Variants in FAM110B observed in about 807,000 individuals in gnomAD.
FAM110B encodes the protein family with sequence similarity 110 member B, also known as protein FAM110B.
In FAM110B, 6 loss-of-function variants were observed where a neutral mutation model predicts 20.4. The ratio of observed to expected loss-of-function variants is 0.29; its 90% CI spans 0.16 to 0.58. The LOEUF is 0.58. FAM110B is among the 20% of genes least tolerant of loss of function. The pLI, the probability that FAM110B is intolerant of heterozygous loss-of-function variation, is 0.90. For missense variants in FAM110B, 434 were observed against 498.2 expected (o/e 0.87, Z 1.23); for synonymous variants, 226 against 214.1 (o/e 1.06, Z -0.49).
At position 58,109,331 on chromosome 8, in the gene FAM110B, A is replaced by T. The variant is rs937727562; in HGVS notation, c.-325+33708A>T. On this transcript the variant is annotated intron_variant, in intron 3 of 3. Transcript: ENST00000519262. ...TCAAGAAAGATGAAAAACCAATTTT[A>T]CAAATTTAACATAATATTTACAGGA... Among the ~76,000 whole-genome samples, 10 of 152,140 alleles carry T rather than the reference A, an allele frequency of 6.6e-5. No individual in the cohort carries two copies. The South Asian group carries it at 1.2e-3, about 19-fold the overall frequency.
chr8:58,090,634 A>G (rs1419675535), intron 3 of FAM110B, among the ~76,000 whole-genome samples: 2 of 152,204 alleles, frequency 1.3e-5, no homozygotes, highest in Non-Finnish European at 2.9e-5. Context: ...TTTCAACTGC[A>G]TGGGGTGGAG....
chr8:58,095,429 G>T (rs1806597945), intron 3 of FAM110B, among the ~76,000 whole-genome samples: 1 of 152,092 alleles, frequency 6.6e-6, no homozygotes, highest in Non-Finnish European at 1.5e-5. Flanking sequence ...AGATATTCTG[G>T]CACATTGTGT....
chr8:58,129,885 A>C (rs1803410542), intron 3 of FAM110B, among the ~76,000 whole-genome samples: 1 of 152,256 alleles, frequency 6.6e-6, no homozygotes, highest in Non-Finnish European at 1.5e-5. Flanking sequence ...CTACTTATCA[A>C]AAACATTCTT....
At chr8:58,071,322 A>G (rs182672951) in intron 2 of FAM110B, among the ~76,000 whole-genome samples, 1 of 152,250 alleles carries the variant, frequency 6.6e-6, no homozygotes, top group Non-Finnish European at 1.5e-5. Flanking sequence ...TTATTCATCA[A>G]ACTTAAAAAT....
intron 3 of FAM110B, among the ~76,000 whole-genome samples, chr8:58,120,115 T>A (rs1372284855): frequency 6.6e-6 from 1 of 152,206 alleles, no homozygotes; most frequent in Admixed American, 6.5e-5. Flanking sequence ...TGAGGAAATA[T>A]GAACCACATG....
intron 2 of FAM110B, among the ~76,000 whole-genome samples, chr8:58,052,152 G>A (rs1435346054): frequency 1.3e-5 from 2 of 152,186 alleles, no homozygotes; most frequent in African/African-American, 2.4e-5. Context: ...CAGGGAACAC[G>A]TAAAATGCTG....
At chr8:58,026,794 T>C (rs1804863787) in intron 1 of FAM110B, among the ~76,000 whole-genome samples, 1 of 152,206 alleles carries the variant, frequency 6.6e-6, no homozygotes, top group Non-Finnish European at 1.5e-5. Flanking sequence ...ATATTATCAA[T>C]CTTCTACATA....
intron 3 of FAM110B, among the ~76,000 whole-genome samples, chr8:58,131,848 T>C (rs535750177): frequency 1.3e-5 from 2 of 152,288 alleles, no homozygotes; most frequent in Non-Finnish European, 2.9e-5. Flanking sequence ...CTATATAAAC[T>C]TGATTAAACA....
At chr8:58,130,519 A>G (rs1353557232) in intron 3 of FAM110B, among the ~76,000 whole-genome samples, 4 of 152,174 alleles carry the variant, frequency 2.6e-5, no homozygotes, top group Admixed American at 1.3e-4. Flanking sequence ...TTAGAATCCA[A>G]CTATAAAATC....
intron 3 of FAM110B, among the ~76,000 whole-genome samples, chr8:58,078,635 C>T (rs1422645150): frequency 1.3e-5 from 2 of 148,358 alleles, no homozygotes; most frequent in Non-Finnish European, 3.0e-5. Flanking sequence ...ACTGCAAGCT[C>T]CGCCTTCCAG....
At chr8:58,107,882 T>G (rs937419388) in intron 3 of FAM110B, among the ~76,000 whole-genome samples, 3 of 152,238 alleles carry the variant, frequency 2.0e-5, no homozygotes, top group African/African-American at 7.2e-5. Flanking sequence ...CATTTGTGCT[T>G]TTAAATATTG....
At chr8:57,995,091 C>G (rs994404849) in intron 1 of FAM110B, among the ~76,000 whole-genome samples, 2 of 152,088 alleles carry the variant, frequency 1.3e-5, no homozygotes, top group Non-Finnish European at 2.9e-5. Flanking sequence ...CTTGGCTGCA[C>G]GTCCCGGGCT....
intron 2 of FAM110B, among the ~76,000 whole-genome samples, chr8:58,047,559 A>ACCTCATC (rs577582947): frequency 1.4e-3 from 199 of 139,356 alleles, no homozygotes; most frequent in African/African-American, 4.6e-3. Context: ...GGCACTCTGT[A>ACCTCATC]CCTCATCAAA....
chr8:58,096,478 G>T (rs1806632890), intron 3 of FAM110B, among the ~76,000 whole-genome samples: 2 of 152,108 alleles, frequency 1.3e-5, no homozygotes, highest in Admixed American at 1.3e-4. Context: ...GACCAGCCGG[G>T]TCTTGACTCT....
At chr8:58,015,600 C>T (rs1209859463) in intron 1 of FAM110B, among the ~76,000 whole-genome samples, 1 of 151,898 alleles carries the variant, frequency 6.6e-6, no homozygotes, top group Non-Finnish European at 1.5e-5. Context: ...AATCTCAGCA[C>T]TTTGAGAGGC....
chr8:58,133,200 A>ATT (rs1334957229), intron 3 of FAM110B, among the ~76,000 whole-genome samples: 1 of 132,924 alleles, frequency 7.5e-6, no homozygotes, highest in African/African-American at 3.2e-5. Flanking sequence ...AGTGAGCTCG[A>ATT]TTTTGTTTTT....
chr8:58,076,105 G>T (rs1279887785), intron 3 of FAM110B, among the ~76,000 whole-genome samples: 2 of 152,110 alleles, frequency 1.3e-5, no homozygotes, highest in African/African-American at 4.8e-5. Context: ...CTATGAATGT[G>T]CACCACCATG....
rs746209150 is a variant in FAM110B at position 58,146,719 on chromosome 8, G to A, written c.489G>A (p.Leu163=). ...DLHRHSFAES[L]KVYPTQGRRS... ...ACCGTCACTCCTTCGCGGAGTCCCT[G>A]AAGGTCTACCCCACGCAGGGCCGCA... The change falls in exon 4 of 4, where the codon CTG becomes CTA. Residue 163 remains leucine (L), a synonymous_variant. Transcript: ENST00000519262. 2 of 1,612,440 alleles carry A rather than the reference G, an allele frequency of 1.2e-6. No individual in the cohort carries two copies. The highest frequency in any genetic ancestry group is 4.5e-5 in the East Asian group (2 of 44,784).
At chr8:58,081,172 C>T (rs1199450719) in intron 3 of FAM110B, among the ~76,000 whole-genome samples, 1 of 152,166 alleles carries the variant, frequency 6.6e-6, no homozygotes, top group Non-Finnish European at 1.5e-5. Flanking sequence ...GTTTCTGCTC[C>T]CACACCAGTC....
Sources: allele counts gnomAD v4.1 joint callset (sites outside exome capture counted in the v4.1 genomes callset), GRCh38; gene constraint gnomAD v4.1.1; transcripts MANE v1.5; gene names NCBI Gene and HGNC (gene_info 2026-07-23, HGNC 2026-07-21).